DCDC2: variants seen among roughly 807,000 people sequenced by gnomAD.
DCDC2 encodes the protein doublecortin domain containing 2, also known as doublecortin domain-containing protein 2.
A neutral mutation model predicts 50.2 loss-of-function variants in DCDC2; 40 were observed. The observed-to-expected ratio is 0.80, with a 90% CI of 0.62 to 1.04. The LOEUF (loss-of-function observed/expected upper bound fraction) is 1.04, where lower values mean the gene tolerates loss of function less well. Among genes scored for constraint, DCDC2 ranks in the 50% least tolerant of loss-of-function variants. The pLI is 0.00. For missense variants in DCDC2, 570 were observed against 581.9 expected, an observed-to-expected ratio of 0.98 and a Z score of 0.21; for synonymous variants, 234 against 210.6, an observed-to-expected ratio of 1.11 and a Z score of -0.96.
intron 2 of DCDC2, among the ~76,000 whole-genome samples, chr6:24,302,304 A>AAC (rs1554117696): frequency 2.0e-5 from 3 of 151,448 alleles, no homozygotes; most frequent in Middle Eastern, 3.4e-3. Context: ...GAAAAAAAAA[A>AAC]AAAACAGAAA....
At chr6:24,221,165 C>T (rs1255402656) in intron 7 of DCDC2, among the ~76,000 whole-genome samples, 1 of 152,144 alleles carries the variant, frequency 6.6e-6, no homozygotes, top group African/African-American at 2.4e-5. Context: ...CTTAAGAGGG[C>T]ACCTTGATTA....
chr6:24,252,909 C>G (rs530120827), intron 7 of DCDC2, among the ~76,000 whole-genome samples: 18 of 152,232 alleles, frequency 1.2e-4, no homozygotes, highest in African/African-American at 4.1e-4. Flanking sequence ...AAATGTCAAA[C>G]TGTTTTGAAA....
At chr6:24,242,927 G>A (rs1190649968) in intron 7 of DCDC2, among the ~76,000 whole-genome samples, 1 of 151,326 alleles carries the variant, frequency 6.6e-6, no homozygotes, top group Non-Finnish European at 1.5e-5. Context: ...ATGCCGATAT[G>A]CTCCAGCCTG....
intron 7 of DCDC2, among the ~76,000 whole-genome samples, chr6:24,206,944 G>A (rs928980665): frequency 3.9e-5 from 6 of 152,058 alleles, no homozygotes; most frequent in East Asian, 1.9e-4. Flanking sequence ...ACAGCACAGA[G>A]CAAGAAATGA....
chr6:24,187,992 A>C (rs1761240329), intron 8 of DCDC2, among the ~76,000 whole-genome samples: 1 of 152,260 alleles, frequency 6.6e-6, no homozygotes, highest in Non-Finnish European at 1.5e-5. Flanking sequence ...TTCTTTGACC[A>C]TTGGATTGTA....
At chr6:24,229,571 G>GA (rs1186504484) in intron 7 of DCDC2, among the ~76,000 whole-genome samples, 1 of 151,514 alleles carries the variant, frequency 6.6e-6, no homozygotes, top group Non-Finnish European at 1.5e-5. Context: ...AATCTTTCAG[G>GA]AAAAAAAATG....
intron 7 of DCDC2, among the ~76,000 whole-genome samples, chr6:24,254,845 T>C (rs1762870534): frequency 6.6e-6 from 1 of 152,114 alleles, no homozygotes; most frequent in Non-Finnish European, 1.5e-5. Flanking sequence ...AAAAAATCAT[T>C]TTGACAGATA....
intron 7 of DCDC2, among the ~76,000 whole-genome samples, chr6:24,248,303 A>C (rs1762727651): frequency 6.6e-6 from 1 of 152,202 alleles, no homozygotes. Context: ...TGTTTCAAAC[A>C]CTAACTTCTT....
rs1470221356 is a variant in DCDC2 at position 24,313,839 on chromosome 6, G to C, written c.349-11795C>G. Among the ~76,000 whole-genome samples, 8 of 152,308 alleles carry C rather than the reference G, an allele frequency of 5.3e-5. No homozygotes were observed. In the East Asian group the frequency reaches 1.4e-3, roughly 26 times the overall value. ...TTCACCCACAATGTGCTGGCTTTAT[G>C]ATCTCTTCAGAGGATTCAGCAGAGG... On this transcript the variant is annotated intron_variant, in intron 2 of 9. Transcript: ENST00000378454.
At chr6:24,269,088 G>A (rs973328026) in intron 7 of DCDC2, among the ~76,000 whole-genome samples, 5 of 152,124 alleles carry the variant, frequency 3.3e-5, no homozygotes, top group African/African-American at 1.2e-4. Flanking sequence ...AAAATAACTA[G>A]GGCAATAGAG....
At chr6:24,294,492 G>A (rs997101748) in intron 4 of DCDC2, among the ~76,000 whole-genome samples, 2 of 151,912 alleles carry the variant, frequency 1.3e-5, no homozygotes, top group African/African-American at 4.8e-5. Context: ...GAAGGAGATC[G>A]AGACATGAAA....
At chr6:24,225,744 A>G (rs1762220130) in intron 7 of DCDC2, among the ~76,000 whole-genome samples, 1 of 152,242 alleles carries the variant, frequency 6.6e-6, no homozygotes, top group African/African-American at 2.4e-5. Context: ...TCCTGAGACT[A>G]TAGCTCTTTG....
intron 7 of DCDC2, among the ~76,000 whole-genome samples, chr6:24,229,329 C>T (rs554734936): frequency 2.7e-4 from 41 of 152,152 alleles, no homozygotes; most frequent in Non-Finnish European, 5.4e-4. Flanking sequence ...GGCTCGTGGT[C>T]GAGTCTTTTT....
the DCDC2 span, among the ~76,000 whole-genome samples, chr6:24,372,171 C>T: frequency 1.3e-5 from 2 of 152,174 alleles, no homozygotes; most frequent in African/African-American, 2.4e-5. Flanking sequence ...CCTGTAATCC[C>T]AGCACTTTGG....
At chr6:24,183,102 G>A (rs1761118167) in intron 8 of DCDC2, among the ~76,000 whole-genome samples, 1 of 151,890 alleles carries the variant, frequency 6.6e-6, no homozygotes, top group Non-Finnish European at 1.5e-5. Context: ...GAATCATAGA[G>A]CAGAGAGTAG....
chr6:24,220,916 G>A (rs879779477), intron 7 of DCDC2, among the ~76,000 whole-genome samples: 15 of 151,664 alleles, frequency 9.9e-5, no homozygotes, highest in Admixed American at 3.3e-4. Flanking sequence ...GAGAGTGAGC[G>A]AGCGAGCGAG....
chr6:24,311,031 CTG>C (rs1350138447), intron 2 of DCDC2, among the ~76,000 whole-genome samples: 3 of 152,198 alleles, frequency 2.0e-5, no homozygotes, highest in Non-Finnish European at 4.4e-5. Context: ...TCATCCAACT[CTG>C]TGTGAATTCA....
chr6:24,293,131 G>A (rs1763787117), intron 4 of DCDC2, among the ~76,000 whole-genome samples: 1 of 152,182 alleles, frequency 6.6e-6, no homozygotes, highest in Non-Finnish European at 1.5e-5. Flanking sequence ...ATAGAGACAA[G>A]GTTTTGCTAT....
At chr6:24,340,281 C>A (rs1313956414) in intron 2 of DCDC2, among the ~76,000 whole-genome samples, 1 of 151,794 alleles carries the variant, frequency 6.6e-6, no homozygotes, top group Non-Finnish European at 1.5e-5. Context: ...CTTATGGTAG[C>A]CTAATAGGTG....
Sources: gnomAD v4.1 joint callset for allele counts (sites outside exome capture counted in the v4.1 genomes callset) on GRCh38, gnomAD v4.1.1 for gene constraint, MANE v1.5 for transcripts, NCBI Gene and HGNC (gene_info 2026-07-23, HGNC 2026-07-21) for gene names.